STOX2: variants seen among roughly 807,000 people sequenced by gnomAD.
The protein encoded by STOX2 is storkhead-box protein 2.
A neutral mutation model predicts 60.9 loss-of-function variants in STOX2; 28 were observed. The observed-to-expected ratio is 0.46, with a 90% confidence interval of 0.34 to 0.63. The LOEUF (loss-of-function observed/expected upper bound fraction) is 0.63, where lower values mean the gene tolerates loss of function less well. Ranked by LOEUF, STOX2 falls within the 30% of genes least tolerant of loss-of-function variation. The probability of loss-of-function intolerance (pLI) is 0.01; values close to 1 mark genes in which losing one functional copy is unlikely to be tolerated. For synonymous variants in STOX2, 472 were observed against 463.9 expected (o/e 1.02, Z -0.22); for missense variants, 1,024 against 1,187.7 (o/e 0.86, Z 2.03).
intron 1 of STOX2, among the ~76,000 whole-genome samples, chr4:183,872,207 A>T (rs1343299587): frequency 6.6e-6 from 1 of 152,128 alleles, no homozygotes; most frequent in Non-Finnish European, 1.5e-5. Flanking sequence ...GGCGCCCACA[A>T]TCATGCTCAG....
At chr4:183,893,699 G>A (rs555716659) in intron 1 of STOX2, among the ~76,000 whole-genome samples, 1 of 152,114 alleles carries the variant, frequency 6.6e-6, no homozygotes, top group East Asian at 1.9e-4. Context: ...TGATCCTGCA[G>A]GTGATTTTTC....
intron 1 of STOX2, among the ~76,000 whole-genome samples, chr4:183,813,692 G>A (rs1739090193): frequency 6.6e-6 from 1 of 152,042 alleles, no homozygotes; most frequent in Non-Finnish European, 1.5e-5. Flanking sequence ...TTATATTTTC[G>A]AGCTCAGTTT....
At chr4:183,990,708 G>A (rs1733072576) in intron 1 of STOX2, among the ~76,000 whole-genome samples, 1 of 146,200 alleles carries the variant, frequency 6.8e-6, no homozygotes, top group African/African-American at 2.6e-5. Flanking sequence ...AGTCATGCAT[G>A]CCACTCTAGA....
At chr4:183,892,433 C>T (rs1313026062) in intron 1 of STOX2, among the ~76,000 whole-genome samples, 3 of 152,188 alleles carry the variant, frequency 2.0e-5, no homozygotes, top group East Asian at 1.9e-4. Flanking sequence ...CGCCCGCCAC[C>T]ACGCCCGGCT....
chr4:183,809,547 T>G (rs1738989960), intron 1 of STOX2, among the ~76,000 whole-genome samples: 1 of 152,110 alleles, frequency 6.6e-6, no homozygotes, highest in Non-Finnish European at 1.5e-5. Flanking sequence ...TCCAGGCACG[T>G]GCCATCACAC....
At chr4:183,906,988 C>T (rs1230869630) in intron 1 of STOX2, 32 bp downstream of exon 1, 1 of 1,497,754 alleles carries the variant, frequency 6.7e-7, no homozygotes, top group East Asian at 2.5e-5. Context: ...TGCCCCCGGG[C>T]CGGGGCCGCG....
intron 1 of STOX2, among the ~76,000 whole-genome samples, chr4:183,857,063 G>T (rs1740302889): frequency 6.6e-6 from 1 of 152,174 alleles, no homozygotes; most frequent in South Asian, 2.1e-4. Context: ...CTTCTCTAGG[G>T]TAATCCTTCT....
chr4:183,879,768 G>A (rs6552714), intron 1 of STOX2, among the ~76,000 whole-genome samples: 147,774 of 151,646 alleles, frequency 0.97, 72,112 homozygotes, highest in East Asian at 1. Flanking sequence ...GGCCAGCTTT[G>A]GAGGAGGCTT....
At chr4:183,834,100 AG>A (rs111655018) in intron 1 of STOX2, among the ~76,000 whole-genome samples, 13,146 of 152,098 alleles carry the variant, frequency 0.086, 1,838 homozygotes, top group African/African-American at 0.3. Context: ...TTCAAGCCTC[AG>A]CTTCTCCATC....
chr4:183,907,033 G>A (rs1304558497), intron 1 of STOX2, 77 bp downstream of exon 1: 12 of 1,300,708 alleles, frequency 9.2e-6, no homozygotes, highest in Non-Finnish European at 1.3e-5. Flanking sequence ...CGGGTGCTTG[G>A]AGGAGAGGAC....
chr4:183,972,941 A>T (rs1199175352), intron 1 of STOX2, among the ~76,000 whole-genome samples: 1 of 152,214 alleles, frequency 6.6e-6, no homozygotes, highest in Non-Finnish European at 1.5e-5. Context: ...GAAATATATA[A>T]TAATCAAAAA....
rs567588118 is a variant in STOX2 at position 184,011,801 on chromosome 4, C to T, written c.2585+378C>T. On this transcript the variant is annotated intron_variant, in intron 3 of 3. Coordinates refer to ENST00000308497, the MANE Select transcript of STOX2 (RefSeq NM_020225.3). The surrounding 1 kb of genome is among the most constrained non-coding windows in gnomAD (Gnocchi z 4.4). Reference sequence around the variant, plus strand: ...TTGAGTAGAATAAATAGTCTGGGGGCGGGGGAGGAAGATAGGGGTTGGGAG... The same window carrying T: ...TTGAGTAGAATAAATAGTCTGGGGGTGGGGGAGGAAGATAGGGGTTGGGAG... 5.4e-5 allele frequency among the ~76,000 whole-genome samples: 8 copies of T among 147,758 alleles called. No individual in the cohort carries two copies. The highest frequency in any genetic ancestry group is 4.6e-4 in the South Asian group (2 of 4,346).
Position 183,865,633 on chromosome 4 carries a change from G to T in STOX2, c.364+67578G>T, listed in dbSNP as rs544834154. Among the ~76,000 whole-genome samples, 146 of 152,256 alleles carry T rather than the reference G, an allele frequency of 9.6e-4. No individual in the cohort carries two copies. Among genetic ancestry groups the T allele is most frequent in the Non-Finnish European group, 1.8e-3 (124 of 68,010 alleles). On this transcript the variant is annotated intron_variant, in intron 1 of 2. Transcript: ENST00000513034. The surrounding 1 kb of genome is among the most constrained non-coding windows in gnomAD (Gnocchi z 4.1). ...CGTAGATAGAAAGAATTTATGGGAT[G>T]TAAAGAAAAAAATTCACTGAAGAGG... is the stretch of plus-strand genomic sequence containing the variant.
At position 183,856,168 on chromosome 4, in the gene STOX2, G is replaced by A. The variant is rs1209753644; in HGVS notation, c.364+58113G>A. The stretch of plus-strand genomic sequence containing the variant: ...TGGTCACAGATTTCTAGGACACTGA[G>A]GCCCATTTAGTGTATTGAAGCAATC... On this transcript the variant is annotated intron_variant, in intron 1 of 2. Coordinates refer to the STOX2 transcript ENST00000513034. This position sits in a 1 kb window ranked among gnomAD's most constrained non-coding sequence, Gnocchi z 4.0. Among the ~76,000 whole-genome samples, 1 of 152,268 alleles carries A rather than the reference G, an allele frequency of 6.6e-6. No individual in the cohort carries two copies. Among genetic ancestry groups the A allele is most frequent in the South Asian group, 2.1e-4 (1 of 4,824 alleles).
chr4:183,906,733 G>A lies in STOX2; in HGVS notation c.-58G>A. 1 of 1,441,688 alleles carries A rather than the reference G, an allele frequency of 6.9e-7. No homozygotes were observed. The highest frequency in any genetic ancestry group is 9.2e-7 in the Non-Finnish European group (1 of 1,088,526). 89.3% of individuals were successfully genotyped at this position (1,441,688 alleles called of 1,614,324 possible). A position where few individuals can be genotyped will look rare whatever the true frequency, so the allele number is the denominator to read the frequency against. On this transcript the variant is annotated 5_prime_UTR_variant, in exon 1 of 4. Coordinates refer to ENST00000308497, the MANE Select transcript of STOX2 (RefSeq NM_020225.3). ...GCCCGCCGTAGACGGATGAAGGAGCGCGCTGCGCCCCGGCGCTGAGGCCCC... is the reference window on the plus strand; with the variant it reads ...GCCCGCCGTAGACGGATGAAGGAGCACGCTGCGCCCCGGCGCTGAGGCCCC...
chr4:183,944,082 T>C (rs1324140832), intron 1 of STOX2, among the ~76,000 whole-genome samples: 1 of 152,210 alleles, frequency 6.6e-6, no homozygotes, highest in African/African-American at 2.4e-5. Context: ...ATAAATGTTC[T>C]GAGTGTAGAT....
At chr4:183,890,100 G>A (rs776605427) in intron 1 of STOX2, among the ~76,000 whole-genome samples, 1 of 152,070 alleles carries the variant, frequency 6.6e-6, no homozygotes, top group Non-Finnish European at 1.5e-5. Context: ...ATACACCTGC[G>A]CATACCATTA....
chr4:183,799,037 A>T (rs1005878231), intron 1 of STOX2, among the ~76,000 whole-genome samples: 1 of 152,206 alleles, frequency 6.6e-6, no homozygotes, highest in South Asian at 2.1e-4. Flanking sequence ...ACGCTAAAAA[A>T]CTGTAAAGCC....
intron 1 of STOX2, among the ~76,000 whole-genome samples, chr4:183,940,962 A>G (rs1282140018): frequency 6.6e-6 from 1 of 152,228 alleles, no homozygotes; most frequent in Non-Finnish European, 1.5e-5. Context: ...TGAAACATTC[A>G]GGAGAGACAA....
Sources: gnomAD v4.1 joint callset for allele counts (sites outside exome capture counted in the v4.1 genomes callset) on GRCh38, gnomAD v4.1.1 for gene constraint, Gnocchi (gnomAD v3.1) non-coding constraint, MANE v1.5 for transcripts, NCBI Gene and HGNC (gene_info 2026-07-23, HGNC 2026-07-21) for gene names.